DCX: variants seen among roughly 807,000 people sequenced by gnomAD.
DCX encodes neuronal migration protein doublecortin.
Under a neutral mutation model 20.9 loss-of-function variants are expected in DCX, and 4 were observed. The ratio of observed to expected loss-of-function variants is 0.19; its 90% CI spans 0.09 to 0.44. DCX has a LOEUF of 0.44. DCX is among the 20% of genes least tolerant of loss of function. The pLI is 0.99. For missense variants in DCX, 133 were observed against 296.9 expected, an observed-to-expected ratio of 0.45 and a Z score of 4.06; for synonymous variants, 103 against 111.4, an observed-to-expected ratio of 0.92 and a Z score of 0.47.
chrX:111,314,660 C>T (rs2095065399), intron 5 of DCX, among the ~76,000 whole-genome samples: 1 of 111,481 alleles, frequency 9.0e-6, no homozygotes, highest in African/African-American at 3.3e-5. Context: ...AACTAAAACC[C>T]ACTGAGTTGC....
At chrX:111,336,359 C>T (rs968765018) in intron 3 of DCX, among the ~76,000 whole-genome samples, 5 of 112,476 alleles carry the variant, frequency 4.4e-5, no homozygotes, top group Admixed American at 1.9e-4. Flanking sequence ...CTGACAGACT[C>T]ACAATGGTGT....
intron 3 of DCX, among the ~76,000 whole-genome samples, chrX:111,397,440 G>T (rs189322524): frequency 9.0e-6 from 1 of 111,535 alleles, no homozygotes; most frequent in South Asian, 3.8e-4. Context: ...GATTATATTC[G>T]CAAGCAGTAC....
At chrX:111,365,081 A>ATTATTT (rs1556388243) in intron 3 of DCX, among the ~76,000 whole-genome samples, 2 of 105,729 alleles carry the variant, frequency 1.9e-5, no homozygotes, top group African/African-American at 6.9e-5. Flanking sequence ...TATTATTATT[A>ATTATTT]TTATTTTTAT....
chrX:111,390,862 G>C (rs976179987), intron 3 of DCX, among the ~76,000 whole-genome samples: 1 of 109,854 alleles, frequency 9.1e-6, no homozygotes, highest in Non-Finnish European at 1.9e-5. Flanking sequence ...AGCTGGATGT[G>C]GTGGTCCATG....
At chrX:111,369,102 G>A (rs1231667164) in intron 3 of DCX, among the ~76,000 whole-genome samples, 3 of 110,586 alleles carry the variant, frequency 2.7e-5, no homozygotes, top group Non-Finnish European at 5.7e-5. Flanking sequence ...AGACTGGGAG[G>A]CTAGGCCAGT....
intron 2 of DCX, 125 bp from the exon 3 acceptor site, chrX:111,401,455 T>C: frequency 1.7e-6 from 1 of 596,898 alleles, no homozygotes; most frequent in South Asian, 2.9e-5. Flanking sequence ...TAACCAACCT[T>C]AGGTGCAATT....
chrX:111,350,733 C>T (rs1923238301), intron 3 of DCX, among the ~76,000 whole-genome samples: 1 of 112,157 alleles, frequency 8.9e-6, no homozygotes, highest in African/African-American at 3.2e-5. Context: ...TTCTTCCTCT[C>T]ATTTTTGGGA....
intron 3 of DCX, among the ~76,000 whole-genome samples, chrX:111,356,087 TAA>T (rs1923709307): frequency 8.9e-6 from 1 of 112,339 alleles, no homozygotes; most frequent in Non-Finnish European, 1.9e-5. Context: ...TCAGGAAATA[TAA>T]ACCAATAGTT....
intron 3 of DCX, among the ~76,000 whole-genome samples, chrX:111,346,763 A>G (rs980644826): frequency 2.7e-5 from 3 of 112,509 alleles, no homozygotes; most frequent in Non-Finnish European, 3.8e-5. Context: ...CATTAATAAT[A>G]TAATATACCC....
chrX:111,318,382 A>AATG (rs1281524857), intron 5 of DCX, among the ~76,000 whole-genome samples: 4 of 105,223 alleles, frequency 3.8e-5, no homozygotes, highest in Non-Finnish European at 7.7e-5. Flanking sequence ...TAATAATAAT[A>AATG]ATAATAACAA....
At chrX:111,328,840 C>A (rs138061217) in intron 5 of DCX, among the ~76,000 whole-genome samples, 1 of 110,540 alleles carries the variant, frequency 9.0e-6, no homozygotes, top group Admixed American at 9.7e-5. Flanking sequence ...TGACTGCAGC[C>A]CCTACTAATA....
At chrX:111,317,564 G>A (rs774261076) in intron 5 of DCX, among the ~76,000 whole-genome samples, 2 of 110,820 alleles carry the variant, frequency 1.8e-5, no homozygotes, top group African/African-American at 6.6e-5. Flanking sequence ...TGACAAATAG[G>A]ATCTAATTAA....
At chrX:111,308,056 T>A (rs894986770) in intron 6 of DCX, among the ~76,000 whole-genome samples, 44 of 112,326 alleles carry the variant, frequency 3.9e-4, no homozygotes, top group African/African-American at 1.4e-3. Context: ...GTATTCAGAA[T>A]GTATTTTCCT....
At chrX:111,360,418 G>A (rs1924113497) in intron 3 of DCX, among the ~76,000 whole-genome samples, 2 of 111,320 alleles carry the variant, frequency 1.8e-5, no homozygotes, top group African/African-American at 6.5e-5. Flanking sequence ...TGGAGATAGA[G>A]AGTAGAAGGA....
chrX:111,350,627 G>C (rs1923228335), intron 3 of DCX, among the ~76,000 whole-genome samples: 1 of 111,896 alleles, frequency 8.9e-6, no homozygotes, highest in Non-Finnish European at 1.9e-5. Flanking sequence ...TTAGTCCACA[G>C]AGCTATTCTG....
At chrX:111,374,322 C>T (rs1925350534) in intron 3 of DCX, among the ~76,000 whole-genome samples, 1 of 112,194 alleles carries the variant, frequency 8.9e-6, no homozygotes, top group East Asian at 2.8e-4. Context: ...CCTAGAGTAG[C>T]TTTAAGAAGC....
At chrX:111,391,532 T>C (rs1352033677) in intron 3 of DCX, among the ~76,000 whole-genome samples, 1 of 111,435 alleles carries the variant, frequency 9.0e-6, no homozygotes, top group Non-Finnish European at 1.9e-5. Context: ...GCCCGGCACC[T>C]TACCTGTAAT....
chrX:111,345,078 C>T (rs1922673156), intron 3 of DCX, among the ~76,000 whole-genome samples: 1 of 111,430 alleles, frequency 9.0e-6, no homozygotes, highest in African/African-American at 3.3e-5. Flanking sequence ...CAACCTCAGA[C>T]ATAATACCAC....
intron 1 of DCX, chrX:111,411,029 A>G: frequency 9.5e-7 from 1 of 1,052,089 alleles, no homozygotes; most frequent in Non-Finnish European, 1.3e-6. Context: ...CCCCCAGAAT[A>G]AACTAAGATT....
Sources: allele counts gnomAD v4.1 joint callset (sites outside exome capture counted in the v4.1 genomes callset), GRCh38; gene constraint gnomAD v4.1.1; transcripts MANE v1.5; gene names NCBI Gene and HGNC (gene_info 2026-07-23, HGNC 2026-07-21).